Variants in TNXB observed in about 807,000 individuals in gnomAD.
TNXB encodes tenascin-X.
Under a neutral mutation model 340.5 loss-of-function variants are expected in TNXB, and 183 were observed. That is an observed-to-expected ratio of 0.54 (90% CI 0.48 to 0.61). TNXB has a LOEUF of 0.61. TNXB is among the 20% of genes least tolerant of loss of function. The probability of loss-of-function intolerance (pLI) is 0.00; values close to 1 mark genes in which losing one functional copy is unlikely to be tolerated. For synonymous variants in TNXB, 2,121 were observed against 2,314.5 expected, an observed-to-expected ratio of 0.92 and a Z score of 2.40; for missense variants, 4,613 against 5,446.4, an observed-to-expected ratio of 0.85 and a Z score of 4.82.
chr6:32,070,050 T>TG lies in TNXB; in HGVS notation c.5278+76dup. ...AGTGGCTGGGGCCAAATAATGGTAA[T>TG]GGCAGCCACCACAAGTGACCGTCTG... On this transcript the variant is annotated intron_variant, in intron 14 of 43. Transcript: ENST00000644971. This position sits in a 1 kb window ranked among gnomAD's most constrained non-coding sequence, Gnocchi z 6.0. The TG allele has an allele frequency of 6.9e-7, 1 of 1,453,034 alleles. No homozygotes were observed. The highest frequency in any genetic ancestry group is 9.1e-7 in the Non-Finnish European group (1 of 1,104,450). The allele number at this position is 1,453,034 out of a possible 1,614,324, so 90.0% of individuals were successfully genotyped here.
Position 32,085,826 on chromosome 6 carries a change from G to T in TNXB, c.3072C>A (p.Thr1024=), listed in dbSNP as rs766600349. 8.7e-6 allele frequency: 14 copies of T among 1,604,564 alleles called. No individual in the cohort carries two copies. Among genetic ancestry groups the T allele is most frequent in the Non-Finnish European group, 1.2e-5 (14 of 1,176,478 alleles). Residue 1024 remains threonine, a synonymous_variant, in exon 7 of 44, where the codon ACC becomes ACA. Transcript: ENST00000644971. The surrounding 1 kb of genome is among the most constrained non-coding windows in gnomAD (Gnocchi z 6.4). ...CCCCATGAAGTGACAGCTCATACGGGGTTCCAGGAGGGGGTGGAGGCACCA... is the reference window on the plus strand; with the variant it reads ...CCCCATGAAGTGACAGCTCATACGGTGTTCCAGGAGGGGGTGGAGGCACCA... ...QALVPPPPPG[T]PYELSLHGVP...
chr6:32,063,404 GAA>G lies in TNXB; in HGVS notation c.6842-923_6842-922del, dbSNP rs529135591. On this transcript the variant is annotated intron_variant, in intron 19 of 43. Coordinates refer to ENST00000644971, the MANE Select transcript of TNXB (RefSeq NM_001365276.2). ...GAGTGAGACTCCATCTCAACATAAA[GAA>G]AAAAAAAAAAAAGAAAACAAAGAAC... 3.0e-3 allele frequency among the ~76,000 whole-genome samples: 331 copies of G among 110,926 alleles called. 1 individual carries two copies. The highest frequency in any genetic ancestry group is 0.01 in the African/African-American group (314 of 31,128). 72.8% of individuals were successfully genotyped at this position (110,926 alleles called of 152,430 possible).
In TNXB at chr6:32,043,959, A is replaced by T. The variant is rs771496120; in HGVS notation, c.11386+48T>A. The T allele has an allele frequency of 2.4e-5, 39 of 1,608,652 alleles. 1 individual carries two copies. The East Asian group carries it at 7.6e-4, about 31-fold the overall frequency. Reference sequence around the variant, plus strand: ...GGCAGCTGGAGGGTGGGCAGAGTGCAGGGGGGAGAGGAAATGCGAGGCGAT... The same window carrying T: ...GGCAGCTGGAGGGTGGGCAGAGTGCTGGGGGGAGAGGAAATGCGAGGCGAT... On this transcript the variant is annotated intron_variant, in intron 34 of 43. Transcript: ENST00000644971.
At chr6:32,057,356 T>C (rs1256920454) in intron 22 of TNXB, among the ~76,000 whole-genome samples, 3 of 152,174 alleles carry the variant, frequency 2.0e-5, no homozygotes, top group Non-Finnish European at 4.4e-5. Flanking sequence ...ATCTTTACCC[T>C]GAATTCCCCT....
rs761515409 is a variant in TNXB, at chr6:32,061,741, G to A, written c.7169-21C>T. 3.2e-5 allele frequency: 52 copies of A among 1,605,650 alleles called. No individual in the cohort carries two copies. Among genetic ancestry groups the A allele is most frequent in the Non-Finnish European group, 4.3e-5 (51 of 1,174,764 alleles). Reference sequence around the variant, plus strand: ...TGCAGCTGAGAAAAAGGGACACAGAGAGGATGGCAGGGTCCCTGGGGGATG... The same window carrying A: ...TGCAGCTGAGAAAAAGGGACACAGAAAGGATGGCAGGGTCCCTGGGGGATG... On this transcript the variant is annotated intron_variant, in intron 20 of 43. Transcript: ENST00000644971. The surrounding 1 kb of genome is among the most constrained non-coding windows in gnomAD (Gnocchi z 4.4).
chr6:32,053,626 G>C lies in TNXB; in HGVS notation c.8553C>G (p.Thr2851=). 2 of 1,613,476 alleles carry C rather than the reference G, an allele frequency of 1.2e-6. No individual in the cohort carries two copies. The highest frequency in any genetic ancestry group is 1.7e-6 in the Non-Finnish European group (2 of 1,179,836). ...PPNKPRLGEL[T]VTDATPDSLS... ...GGGAGTCAGGGGTGGCATCTGTCACGGTCAGCTCCCCGAGGCGAGGCTTGT... is the reference window on the plus strand; with the variant it reads ...GGGAGTCAGGGGTGGCATCTGTCACCGTCAGCTCCCCGAGGCGAGGCTTGT... The change falls in exon 25 of 44, where the codon ACC becomes ACG. Residue 2851 remains threonine, a synonymous_variant. Coordinates refer to ENST00000644971, the MANE Select transcript of TNXB (RefSeq NM_001365276.2).
rs769074772 is a variant in TNXB, at chr6:32,044,044, C to A, written c.11349G>T (p.Ala3783=). ...KVNWMPPPSR[A]DSFKVSYQLA... ...GCTGGTAGGAGACTTTGAAGCTGTC[C>A]GCCCGGGATGGTGGGGGCATCCAGT... The change falls in exon 34 of 44, where the codon GCG becomes GCT. Residue 3783 remains alanine, a synonymous_variant. Coordinates refer to ENST00000644971, the MANE Select transcript of TNXB (RefSeq NM_001365276.2). 2 of 1,561,234 alleles carry A rather than the reference C, an allele frequency of 1.3e-6. No individual in the cohort carries two copies. Among genetic ancestry groups the A allele is most frequent in the Admixed American group, 1.8e-5 (1 of 54,548 alleles).
Position 32,072,348 on chromosome 6 carries a change from C to A in TNXB, c.4682-50G>T. 1 of 1,507,490 alleles carries A rather than the reference C, an allele frequency of 6.6e-7. No individual in the cohort carries two copies. The highest frequency in any genetic ancestry group is 8.9e-7 in the Non-Finnish European group (1 of 1,124,030). 93.4% of individuals were successfully genotyped at this position (1,507,490 alleles called of 1,614,324 possible). A position where few individuals can be genotyped will look rare whatever the true frequency, so the allele number is the denominator to read the frequency against. On this transcript the variant is annotated intron_variant, in intron 12 of 43. Transcript: ENST00000644971. The surrounding 1 kb of genome is among the most constrained non-coding windows in gnomAD (Gnocchi z 4.4). ...ATGGTTGAGATCTCTGAGGGGAGAA[C>A]CCCTGGGCTTTGAGGGCCTCAGGGG...
At position 32,056,913 on chromosome 6, in the gene TNXB, G is replaced by A. The variant is rs1232828114; in HGVS notation, c.7826-10C>T. On this transcript the variant is annotated splice_polypyrimidine_tract_variant and intron_variant, in intron 22 of 43. Transcript: ENST00000644971. ...GTCTCGGCTTCATCCTCTGGAGTTG[G>A]ACAGACACGTGTGGGGACAGTGAGG... is the stretch of plus-strand genomic sequence containing the variant. The A allele has an allele frequency of 3.7e-6, 6 of 1,609,930 alleles. No individual in the cohort carries two copies. The highest frequency in any genetic ancestry group is 4.2e-6 in the Non-Finnish European group (5 of 1,177,420).
At position 32,095,703 on chromosome 6, in the gene TNXB, T is replaced by C. The variant is rs1761812810; in HGVS notation, c.2150A>G (p.Gln717Arg). ...EGFRGPDCAI[Q>R]TCPGDCRGRG... Reference sequence around the variant, plus strand: ...GCCACGGCAGTCCCCTGGGCATGTCTGGATGGCACAGTCAGGGCCTCGGAA... The same window carrying C: ...GCCACGGCAGTCCCCTGGGCATGTCCGGATGGCACAGTCAGGGCCTCGGAA... The change falls in exon 3 of 44, where the codon CAG becomes CGG. Residue 717 changes from glutamine (Q) to arginine (R), a missense_variant. Physicochemically the swap from Gln to Arg is conservative, Grantham distance 43. Transcript: ENST00000644971. 6.2e-7 allele frequency: 1 copy of C among 1,609,902 alleles called. No homozygotes were observed.
chr6:32,098,246 A>T, intron 1 of TNXB, 40 bp from the exon 2 acceptor site: 4 of 1,437,048 alleles, frequency 2.8e-6, no homozygotes, highest in Non-Finnish European at 3.7e-6. Context: ...AGCTTCAAAA[A>T]GGAGACAAAA....
Sources: allele counts gnomAD v4.1 joint callset (sites outside exome capture counted in the v4.1 genomes callset), GRCh38; gene constraint gnomAD v4.1.1; non-coding constraint Gnocchi (gnomAD v3.1); transcripts MANE v1.5; gene names NCBI Gene and HGNC (gene_info 2026-07-23, HGNC 2026-07-21).